Variants in PLEKHA2 observed in about 807,000 individuals in gnomAD.
PLEKHA2 encodes pleckstrin homology domain-containing family A member 2.
A neutral mutation model predicts 53.2 loss-of-function variants in PLEKHA2; 28 were observed. The observed-to-expected ratio is 0.53, with a 90% CI of 0.39 to 0.72. The LOEUF (loss-of-function observed/expected upper bound fraction) is 0.72. Ranked by LOEUF, PLEKHA2 falls within the 30% of genes least tolerant of loss-of-function variation. PLEKHA2 has a pLI of 0.00. For synonymous variants in PLEKHA2, 193 were observed against 196.4 expected, an observed-to-expected ratio of 0.98 and a Z score of 0.14; for missense variants, 426 against 537.9, an observed-to-expected ratio of 0.79 and a Z score of 2.06.
At chr8:38,940,693 G>A (rs141301402) in intron 3 of PLEKHA2, among the ~76,000 whole-genome samples, 1 of 150,786 alleles carries the variant, frequency 6.6e-6, no homozygotes, top group Non-Finnish European at 1.5e-5. Context: ...ATGTCTAGGG[G>A]CCTGGACTAT....
Position 38,952,626 on chromosome 8 carries a change from T to C in PLEKHA2, c.634-10T>C, listed in dbSNP as rs954309603. The C allele has an allele frequency of 3.7e-6, 6 of 1,605,412 alleles. No homozygotes were observed. The Admixed American group carries it at 1.0e-4, about 27-fold the overall frequency. ...TCGCTAATGGTCTGCCTTTTATTTT[T>C]TTATTACAGCGGAAGAGCTGGAAAC... is the stretch of plus-strand genomic sequence containing the variant. On this transcript the variant is annotated splice_polypyrimidine_tract_variant and intron_variant, in intron 7 of 11. Coordinates refer to ENST00000617275, the MANE Select transcript of PLEKHA2 (RefSeq NM_021623.2).
At chr8:38,932,072 C>T (rs1346037809) in intron 2 of PLEKHA2, among the ~76,000 whole-genome samples, 1 of 152,114 alleles carries the variant, frequency 6.6e-6, no homozygotes, top group Non-Finnish European at 1.5e-5. Context: ...CTCACTGCAG[C>T]CTCGAACTCC....
chr8:38,931,814 A>C (rs1226152121), intron 2 of PLEKHA2, among the ~76,000 whole-genome samples: 1 of 152,194 alleles, frequency 6.6e-6, no homozygotes. Flanking sequence ...TACTCCGAGA[A>C]CAGAGTCCAA....
chr8:38,931,462 T>C (rs924209669), intron 2 of PLEKHA2, among the ~76,000 whole-genome samples: 4 of 152,154 alleles, frequency 2.6e-5, no homozygotes, highest in Non-Finnish European at 4.4e-5. Flanking sequence ...CTCCTTTTCA[T>C]TGGGGTTCAG....
chr8:38,948,395 GA>G (rs1438645955), intron 5 of PLEKHA2, among the ~76,000 whole-genome samples: 1 of 152,196 alleles, frequency 6.6e-6, no homozygotes, highest in Non-Finnish European at 1.5e-5. Context: ...TGGTTGATAA[GA>G]TTAGTGATAA....
At chr8:38,919,049 G>A (rs1051090293) in intron 2 of PLEKHA2, among the ~76,000 whole-genome samples, 3 of 152,150 alleles carry the variant, frequency 2.0e-5, no homozygotes, top group Non-Finnish European at 4.4e-5. Context: ...CAGAGAATGT[G>A]ACCTGGTTCC....
rs1320077708 is a variant in PLEKHA2, at chr8:38,971,065, T to C, written c.*1282T>C. 2 of 152,232 alleles carry C rather than the reference T, an allele frequency of 1.3e-5. No homozygotes were observed. The highest frequency in any genetic ancestry group is 1.9e-4 in the East Asian group (1 of 5,204). The allele number at this position is 152,232 out of a possible 1,614,324, so 9.4% of individuals were successfully genotyped here. A position where few individuals can be genotyped will look rare whatever the true frequency, so the allele number is the denominator to read the frequency against. On this transcript the variant is annotated 3_prime_UTR_variant, in exon 12 of 12. Transcript: ENST00000617275. ...AGAGAACTATTTTTACCTGAGTAAA[T>C]GCTCTCCTCTTCTTGTGTCCAAATC...
intron 5 of PLEKHA2, among the ~76,000 whole-genome samples, chr8:38,950,138 C>G (rs112783663): frequency 6.6e-6 from 1 of 152,150 alleles, no homozygotes. Context: ...AATTCCTGGG[C>G]TCAAGAGATT....
chr8:38,943,251 C>T (rs976425536), intron 3 of PLEKHA2, among the ~76,000 whole-genome samples: 8 of 151,870 alleles, frequency 5.3e-5, no homozygotes, highest in African/African-American at 1.9e-4. Flanking sequence ...GAGGCTGAGG[C>T]GGGAGGATTG....
intron 3 of PLEKHA2, among the ~76,000 whole-genome samples, chr8:38,937,394 C>T (rs1834516381): frequency 6.6e-6 from 1 of 152,190 alleles, no homozygotes. Flanking sequence ...GAGGTCGTTT[C>T]TCCAGGAGGG....
intron 1 of PLEKHA2, among the ~76,000 whole-genome samples, chr8:38,917,126 AT>A (rs990695886): frequency 6.6e-6 from 1 of 151,780 alleles, no homozygotes; most frequent in Admixed American, 6.6e-5. Context: ...GGATTATGAG[AT>A]TTTTTTTCCT....
At chr8:38,911,354 A>G (rs1427543025) in intron 1 of PLEKHA2, among the ~76,000 whole-genome samples, 1 of 151,950 alleles carries the variant, frequency 6.6e-6, no homozygotes, top group Admixed American at 6.6e-5. Context: ...CTCCTGTCTT[A>G]GTCTCCCGAA....
intron 5 of PLEKHA2, chr8:38,950,624 G>A (rs965890222): frequency 2.4e-6 from 1 of 419,252 alleles, no homozygotes. Flanking sequence ...TCATAAGTAG[G>A]CGCTCAAGAA....
In PLEKHA2 at chr8:38,951,096, T is replaced by C; in HGVS notation, c.486+106T>C. On this transcript the variant is annotated intron_variant, in intron 6 of 11. Transcript: ENST00000617275. ...GTACTGGGGAAAAGGAGGGTGGGAG[T>C]GGGGGGCAGCTGGTGCCAGTGGAGC... is the stretch of plus-strand genomic sequence containing the variant. The C allele has an allele frequency of 7.2e-6, 2 of 276,420 alleles. 1 individual carries two copies. Among genetic ancestry groups the C allele is most frequent in the Admixed American group, 2.1e-4 (2 of 9,314 alleles). The allele number at this position is 276,420 out of a possible 1,614,324, so 17.1% of individuals were successfully genotyped here.
chr8:38,934,017 G>A (rs1388979384), intron 2 of PLEKHA2, among the ~76,000 whole-genome samples: 3 of 151,820 alleles, frequency 2.0e-5, no homozygotes, highest in South Asian at 2.1e-4. Flanking sequence ...TATTATCCCC[G>A]TCCATTTTCT....
intron 1 of PLEKHA2, among the ~76,000 whole-genome samples, chr8:38,917,043 A>G (rs986574770): frequency 1.3e-5 from 2 of 152,096 alleles, no homozygotes; most frequent in African/African-American, 4.8e-5. Context: ...GCACCTTTTC[A>G]TGTGCCTGTT....
At chr8:38,966,915 T>TTGA (rs1314141971) in intron 10 of PLEKHA2, among the ~76,000 whole-genome samples, 33 of 152,082 alleles carry the variant, frequency 2.2e-4, no homozygotes, top group Admixed American at 2.2e-3. Flanking sequence ...ATCGTACGCA[T>TTGA]CAAGTAATTT....
Position 38,922,379 on chromosome 8 carries a change from G to A in PLEKHA2, c.141+4309G>A, listed in dbSNP as rs1052295961. 7.9e-5 allele frequency among the ~76,000 whole-genome samples: 12 copies of A among 152,202 alleles called. No homozygotes were observed. Among genetic ancestry groups the A allele is most frequent in the African/African-American group, 2.9e-4 (12 of 41,442 alleles). ...AATGAGCCAGCTAAAGAGGGCCAGGGAAGGAAGTGGTCAGAAGTCAGGTCA... is the reference window on the plus strand; with the variant it reads ...AATGAGCCAGCTAAAGAGGGCCAGGAAAGGAAGTGGTCAGAAGTCAGGTCA... On this transcript the variant is annotated intron_variant, in intron 2 of 11. Coordinates refer to ENST00000617275, the MANE Select transcript of PLEKHA2 (RefSeq NM_021623.2). The surrounding 1 kb of genome is among the most constrained non-coding windows in gnomAD (Gnocchi z 4.0).
intron 3 of PLEKHA2, among the ~76,000 whole-genome samples, chr8:38,937,709 C>T (rs1045156007): frequency 1.9e-4 from 29 of 152,324 alleles, no homozygotes; most frequent in Admixed American, 9.8e-4. Context: ...TCGGGTTACA[C>T]AGAGCTCAGA....
Sources: gnomAD v4.1 joint callset for allele counts (sites outside exome capture counted in the v4.1 genomes callset) on GRCh38, gnomAD v4.1.1 for gene constraint, Gnocchi (gnomAD v3.1) non-coding constraint, MANE v1.5 for transcripts, NCBI Gene and HGNC (gene_info 2026-07-23, HGNC 2026-07-21) for gene names.